SUPT3H: variants seen among roughly 807,000 people sequenced by gnomAD.
SUPT3H encodes transcription initiation protein SPT3 homolog.
A neutral mutation model predicts 44.3 loss-of-function variants in SUPT3H; 44 were observed. The observed-to-expected ratio is 0.99, with a 90% CI of 0.78 to 1.28. The LOEUF (loss-of-function observed/expected upper bound fraction) is 1.28, where lower values mean the gene tolerates loss of function less well. SUPT3H is among the 50% of genes most tolerant of loss of function. SUPT3H has a pLI of 0.00. For missense variants in SUPT3H, 380 were observed against 387.1 expected (o/e 0.98, Z 0.15); for synonymous variants, 124 against 125.6 (o/e 0.99, Z 0.09).
chr6:45,123,040 T>C (rs901632500), intron 2 of SUPT3H, among the ~76,000 whole-genome samples: 2 of 152,152 alleles, frequency 1.3e-5, no homozygotes, highest in Non-Finnish European at 2.9e-5. Flanking sequence ...ACTAAATAAA[T>C]ATAGTCCTAT....
At chr6:45,166,855 A>T (rs968338710) in intron 2 of SUPT3H, among the ~76,000 whole-genome samples, 17 of 152,208 alleles carry the variant, frequency 1.1e-4, no homozygotes, top group African/African-American at 3.9e-4. Flanking sequence ...AATGGCTAAA[A>T]GTTAAAAGAC....
chr6:44,832,012 GAACA>G (rs552695042), intron 10 of SUPT3H, among the ~76,000 whole-genome samples: 36 of 152,164 alleles, frequency 2.4e-4, no homozygotes, highest in African/African-American at 8.7e-4. Context: ...AATAAAGAAG[GAACA>G]AACAAGCATG....
intron 10 of SUPT3H, among the ~76,000 whole-genome samples, chr6:44,841,828 A>G (rs1018737239): frequency 6.6e-6 from 1 of 152,164 alleles, no homozygotes; most frequent in Admixed American, 6.5e-5. Context: ...ATTTACAAGT[A>G]TTTATTAAGT....
At chr6:45,132,636 G>A (rs1334914119) in intron 2 of SUPT3H, among the ~76,000 whole-genome samples, 2 of 151,884 alleles carry the variant, frequency 1.3e-5, no homozygotes, top group African/African-American at 4.8e-5. Context: ...ATTTTTTATT[G>A]ATGATTCTTC....
At chr6:45,228,299 GA>G (rs2153638649) in intron 2 of SUPT3H, among the ~76,000 whole-genome samples, 1 of 152,322 alleles carries the variant, frequency 6.6e-6, no homozygotes, top group African/African-American at 2.4e-5. Context: ...AAGCAAAGCA[GA>G]TAGCCCTCCA....
chr6:45,348,652 G>C (rs1581785409), intron 2 of SUPT3H, among the ~76,000 whole-genome samples: 1 of 145,462 alleles, frequency 6.9e-6, no homozygotes, highest in East Asian at 2.0e-4. Flanking sequence ...TCCAGCCTGG[G>C]TGACAAAGTA....
intron 2 of SUPT3H, among the ~76,000 whole-genome samples, chr6:45,278,858 A>T (rs1277200509): frequency 1.3e-5 from 2 of 152,216 alleles, no homozygotes; most frequent in Admixed American, 1.3e-4. Context: ...ATTATTCATG[A>T]ATAAGACAAT....
chr6:44,938,916 A>AT (rs1771932311), intron 9 of SUPT3H, among the ~76,000 whole-genome samples: 1 of 152,092 alleles, frequency 6.6e-6, no homozygotes, highest in Non-Finnish European at 1.5e-5. Context: ...TTGTACAATG[A>AT]TTTTGTGTAC....
In SUPT3H at chr6:45,014,896, TA is replaced by T; in HGVS notation, c.274-6del. 1 of 1,475,224 alleles carries T rather than the reference TA, an allele frequency of 6.8e-7. No individual in the cohort carries two copies. Among genetic ancestry groups the T allele is most frequent in the Admixed American group, 2.3e-5 (1 of 42,668 alleles). The allele number at this position is 1,475,224 out of a possible 1,614,324, so 91.4% of individuals were successfully genotyped here. A position where few individuals can be genotyped will look rare whatever the true frequency, so the allele number is the denominator to read the frequency against. On this transcript the variant is annotated splice_region_variant and splice_polypyrimidine_tract_variant and intron_variant, in intron 4 of 10. Transcript: ENST00000371459. ...TAGCAGTCTTCTAAGTTTTTTCTAT[TA>T]AAAATATAAAATAAGTAAATAAGAA...
intron 7 of SUPT3H, chr6:44,955,239 G>C (rs1312008954): frequency 6.5e-6 from 1 of 152,736 alleles, no homozygotes; most frequent in African/African-American, 2.4e-5. Context: ...TGAAGGAGGT[G>C]GATCACCACT....
chr6:44,862,828 T>C (rs1774887395), intron 10 of SUPT3H, among the ~76,000 whole-genome samples: 2 of 152,274 alleles, frequency 1.3e-5, no homozygotes, highest in South Asian at 2.1e-4. Flanking sequence ...TAAAGACGTA[T>C]TGAAGGAGGA....
At chr6:45,253,873 A>G (rs1445208068) in intron 2 of SUPT3H, among the ~76,000 whole-genome samples, 1 of 138,166 alleles carries the variant, frequency 7.2e-6, no homozygotes, top group Non-Finnish European at 1.5e-5. Context: ...ATATATATAT[A>G]CACACACACA....
At chr6:44,834,153 A>C (rs1234228240) in intron 10 of SUPT3H, among the ~76,000 whole-genome samples, 1 of 152,198 alleles carries the variant, frequency 6.6e-6, no homozygotes, top group Non-Finnish European at 1.5e-5. Flanking sequence ...CCAGGTGCAT[A>C]GTGAGAGCTG....
intron 2 of SUPT3H, among the ~76,000 whole-genome samples, chr6:45,299,635 G>A (rs1052582184): frequency 6.6e-6 from 1 of 151,420 alleles, no homozygotes; most frequent in Non-Finnish European, 1.5e-5. Flanking sequence ...TTTAATGGTA[G>A]CTAAAAAAAT....
At chr6:44,913,554 C>A (rs547545223) in intron 10 of SUPT3H, among the ~76,000 whole-genome samples, 13 of 152,182 alleles carry the variant, frequency 8.5e-5, no homozygotes, top group African/African-American at 2.9e-4. Context: ...AATTTGTTAT[C>A]CAAGAAGAGA....
At chr6:44,904,635 C>A (rs1291475944) in intron 10 of SUPT3H, among the ~76,000 whole-genome samples, 1 of 152,170 alleles carries the variant, frequency 6.6e-6, no homozygotes, top group Non-Finnish European at 1.5e-5. Flanking sequence ...CATCAAGCTA[C>A]CAATGACTTT....
chr6:45,294,808 A>G (rs1780892788), intron 2 of SUPT3H, among the ~76,000 whole-genome samples: 1 of 149,774 alleles, frequency 6.7e-6, no homozygotes, highest in South Asian at 2.1e-4. Context: ...GACCTCTACA[A>G]GGGAAACTAC....
At chr6:45,093,961 G>T (rs1797465852) in intron 3 of SUPT3H, among the ~76,000 whole-genome samples, 1 of 152,090 alleles carries the variant, frequency 6.6e-6, no homozygotes, top group South Asian at 2.1e-4. Context: ...ATAGCCATCA[G>T]AAATCATGAC....
In SUPT3H at chr6:45,306,443, A is replaced by C. The variant is rs373587316; in HGVS notation, c.101+58758T>G. ...AATCAACCTCGGCTGGCAGAGCTAC[A>C]CAGATTACCCAGCTTGAACCCTCAC... On this transcript the variant is annotated intron_variant, in intron 2 of 10. Transcript: ENST00000371459. Among the ~76,000 whole-genome samples, 125 of 152,266 alleles carry C rather than the reference A, an allele frequency of 8.2e-4. 2 individuals carry two copies. The highest frequency in any genetic ancestry group is 7.3e-5 in the Non-Finnish European group (5 of 68,028).
Sources: allele counts gnomAD v4.1 joint callset (sites outside exome capture counted in the v4.1 genomes callset), GRCh38; gene constraint gnomAD v4.1.1; transcripts MANE v1.5; gene names NCBI Gene and HGNC (gene_info 2026-07-23, HGNC 2026-07-21).